Variants in RAB3GAP1 observed in about 807,000 individuals in gnomAD.
The protein encoded by RAB3GAP1 is RAB3 GTPase activating protein catalytic subunit 1, also known as rab3 GTPase-activating protein catalytic subunit.
A neutral mutation model predicts 130.7 loss-of-function variants in RAB3GAP1; 86 were observed. The ratio of observed to expected loss-of-function variants is 0.66; its 90% CI spans 0.55 to 0.79. The LOEUF (loss-of-function observed/expected upper bound fraction) is 0.79. Among genes scored for constraint, RAB3GAP1 ranks in the 30% least tolerant of loss-of-function variants. The pLI is 0.00. For missense variants in RAB3GAP1, 1,029 were observed against 1,169.4 expected (o/e 0.88, Z 1.75); for synonymous variants, 367 against 401.7 (o/e 0.91, Z 1.03).
chr2:135,063,582 G>A (rs1166219606), intron 3 of RAB3GAP1, among the ~76,000 whole-genome samples: 2 of 152,022 alleles, frequency 1.3e-5, no homozygotes, highest in African/African-American at 4.8e-5. Context: ...GTTTTTTTGT[G>A]TGTGTGTCTG....
intron 2 of RAB3GAP1, 121 bp from the exon 3 acceptor site, chr2:135,057,890 A>G (rs979086043): frequency 1.7e-5 from 12 of 723,532 alleles, no homozygotes; most frequent in Non-Finnish European, 2.7e-5. Flanking sequence ...GCAATACTAA[A>G]TGTACTGAGT....
At chr2:135,139,931 C>T (rs1691789003) in intron 17 of RAB3GAP1, among the ~76,000 whole-genome samples, 1 of 152,148 alleles carries the variant, frequency 6.6e-6, no homozygotes, top group Non-Finnish European at 1.5e-5. Flanking sequence ...AGTTTTTGAA[C>T]CTTTTAAATG....
chr2:135,065,108 G>A (rs1245376767), intron 3 of RAB3GAP1, among the ~76,000 whole-genome samples: 1 of 152,072 alleles, frequency 6.6e-6, no homozygotes, highest in Non-Finnish European at 1.5e-5. Context: ...AAATTTGGGG[G>A]ACTTACCCCC....
intron 19 of RAB3GAP1, among the ~76,000 whole-genome samples, chr2:135,155,052 C>G (rs1692271262): frequency 6.6e-6 from 1 of 152,046 alleles, no homozygotes; most frequent in Non-Finnish European, 1.5e-5. Flanking sequence ...AAATCAGTCA[C>G]AAAGCAGAAG....
chr2:135,096,328 C>G (rs1690289799), intron 5 of RAB3GAP1, among the ~76,000 whole-genome samples: 1 of 152,056 alleles, frequency 6.6e-6, no homozygotes, highest in South Asian at 2.1e-4. Flanking sequence ...TGACATTAAT[C>G]TGTGTTTATC....
In RAB3GAP1 at chr2:135,135,700, C is replaced by G. The variant is rs567919432; in HGVS notation, c.1691C>G (p.Thr564Arg). 2 of 1,614,002 alleles carry G rather than the reference C, an allele frequency of 1.2e-6. No individual in the cohort carries two copies. The highest frequency in any genetic ancestry group is 1.7e-6 in the Non-Finnish European group (2 of 1,179,980). Residue 564 changes from threonine (T) to arginine (R), a missense_variant, in exon 17 of 24, where the codon ACA becomes AGA. Physicochemically the swap from Thr to Arg is moderately conservative, Grantham distance 71. Around this residue, in one of 3 missense-constraint regions of RAB3GAP1, gnomAD observed 373 missense variants for 493.6 expected, o/e 0.76. Coordinates refer to ENST00000264158, the MANE Select transcript of RAB3GAP1 (RefSeq NM_012233.3). ...DQLVPDNLKETDKEKGEVGKS... is the reference protein window; with the variant it reads ...DQLVPDNLKERDKEKGEVGKS... ...TTGGTGCCAGATAATCTAAAAGAAA[C>G]AGATAAGGAAAAGGGAGAGGTAGGA...
At chr2:135,072,130 C>G (rs1328261831) in intron 3 of RAB3GAP1, among the ~76,000 whole-genome samples, 1 of 152,138 alleles carries the variant, frequency 6.6e-6, no homozygotes, top group Admixed American at 6.5e-5. Flanking sequence ...AGGCTGGTCT[C>G]AAACTCCTGA....
At chr2:135,115,190 C>A in intron 6 of RAB3GAP1, 26 bp from the exon 7 acceptor site, 1 of 1,588,594 alleles carries the variant, frequency 6.3e-7, no homozygotes, top group Non-Finnish European at 8.6e-7. Flanking sequence ...GCTTGTATTC[C>A]ATTCCTATTT....
intron 3 of RAB3GAP1, among the ~76,000 whole-genome samples, chr2:135,062,732 G>T (rs1306829265): frequency 6.6e-6 from 1 of 152,132 alleles, no homozygotes; most frequent in African/African-American, 2.4e-5. Context: ...TTTGGTAGAG[G>T]TCTTGTATAT....
At chr2:135,096,733 G>A (rs1490206852) in intron 5 of RAB3GAP1, among the ~76,000 whole-genome samples, 1 of 152,100 alleles carries the variant, frequency 6.6e-6, no homozygotes, top group Non-Finnish European at 1.5e-5. Flanking sequence ...CTTTGGGCAA[G>A]TTACTTAATT....
At chr2:135,078,834 C>T (rs1456289582) in intron 3 of RAB3GAP1, among the ~76,000 whole-genome samples, 4 of 151,562 alleles carry the variant, frequency 2.6e-5, no homozygotes, top group Admixed American at 2.6e-4. Context: ...CATGTGCCAA[C>T]ACACCTCACT....
chr2:135,111,850 T>C (rs1690810800), intron 5 of RAB3GAP1, among the ~76,000 whole-genome samples: 1 of 152,248 alleles, frequency 6.6e-6, no homozygotes, highest in South Asian at 2.1e-4. Flanking sequence ...TTTACTTTCC[T>C]TGTAGGTAAG....
chr2:135,106,146 G>GTCAGC (rs1690607416), intron 5 of RAB3GAP1, among the ~76,000 whole-genome samples: 4 of 150,146 alleles, frequency 2.7e-5, no homozygotes, highest in Non-Finnish European at 4.4e-5. Flanking sequence ...GGTGGGGGGT[G>GTCAGC]CCTCCGTCCG....
chr2:135,115,166 T>A, intron 6 of RAB3GAP1, 50 bp from the exon 7 acceptor site: 1 of 1,534,860 alleles, frequency 6.5e-7, no homozygotes, highest in African/African-American at 1.4e-5. Context: ...AGGTTCAGGT[T>A]TAATGTTTAA....
chr2:135,162,907 T>C, intron 21 of RAB3GAP1, 56 bp downstream of exon 21: 1 of 1,580,916 alleles, frequency 6.3e-7, no homozygotes, highest in Non-Finnish European at 8.7e-7. Context: ...TTGGCAAAAA[T>C]AATTTTTAAG....
chr2:135,085,686 G>C (rs1689952724), intron 3 of RAB3GAP1, among the ~76,000 whole-genome samples: 1 of 152,110 alleles, frequency 6.6e-6, no homozygotes, highest in Non-Finnish European at 1.5e-5. Context: ...TTAGGAAAAA[G>C]AGCATCTTCC....
At chr2:135,079,737 C>G (rs527818191) in intron 3 of RAB3GAP1, among the ~76,000 whole-genome samples, 1 of 152,320 alleles carries the variant, frequency 6.6e-6, no homozygotes, top group East Asian at 1.9e-4. Context: ...TTAGTCATGT[C>G]CACTTACCCT....
At chr2:135,152,576 A>G (rs1692206276) in intron 18 of RAB3GAP1, among the ~76,000 whole-genome samples, 1 of 152,174 alleles carries the variant, frequency 6.6e-6, no homozygotes. Flanking sequence ...AGTATCATGA[A>G]ATAATCTTGA....
intron 5 of RAB3GAP1, among the ~76,000 whole-genome samples, chr2:135,095,182 G>T (rs954449102): frequency 6.6e-6 from 1 of 152,082 alleles, no homozygotes; most frequent in Admixed American, 6.6e-5. Context: ...CCAAGTAGCT[G>T]GGACTACATG....
Sources: gnomAD v4.1 joint callset for allele counts (sites outside exome capture counted in the v4.1 genomes callset) on GRCh38, gnomAD v4.1.1 for gene constraint, gnomAD v4.1.1 regional missense constraint, MANE v1.5 for transcripts, NCBI Gene and HGNC (gene_info 2026-07-23, HGNC 2026-07-21) for gene names.